DENND2B: variants seen among roughly 807,000 people sequenced by gnomAD.
DENND2B encodes the protein DENN domain containing 2B, also known as DENN domain-containing protein 2B.
Under a neutral mutation model 116.0 loss-of-function variants are expected in DENND2B, and 32 were observed. The observed-to-expected ratio is 0.28, with a 90% CI of 0.21 to 0.37. DENND2B has a LOEUF of 0.37. Among genes scored for constraint, DENND2B ranks in the 10% least tolerant of loss-of-function variants. The pLI, the probability that DENND2B is intolerant of heterozygous loss-of-function variation, is 1.00. For synonymous variants in DENND2B, 588 were observed against 583.9 expected, an observed-to-expected ratio of 1.01 and a Z score of -0.10; for missense variants, 1,276 against 1,477.7, an observed-to-expected ratio of 0.86 and a Z score of 2.24.
Position 8,717,589 on chromosome 11 carries a change from C to T in DENND2B, c.1629+152G>A, listed in dbSNP as rs374571273. The stretch of plus-strand genomic sequence containing the variant: ...GGAGACCTCCTTTATCAGACGAGAT[C>T]GGGCACGTTCAGGGTGGTATGGCCG... On this transcript the variant is annotated intron_variant, in intron 5 of 19. Coordinates refer to ENST00000313726, the MANE Select transcript of DENND2B (RefSeq NM_213618.2). 125 of 856,850 alleles carry T rather than the reference C, an allele frequency of 1.5e-4. 1 individual carries two copies. The highest frequency in any genetic ancestry group is 7.6e-4 in the East Asian group (25 of 32,746). The allele number at this position is 856,850 out of a possible 1,614,324, so 53.1% of individuals were successfully genotyped here.
At chr11:8,800,308 G>A (rs964729155) in intron 1 of DENND2B, among the ~76,000 whole-genome samples, 3 of 152,090 alleles carry the variant, frequency 2.0e-5, no homozygotes, top group Admixed American at 6.6e-5. Context: ...GTCACAAATT[G>A]CTAATAAACT....
At chr11:8,810,806 GTC>G (rs34550908), upstream of DENND2B, 4,025 of 139,300 alleles carry the variant, frequency 0.029, 50 homozygotes, top group Middle Eastern at 0.062. Flanking sequence ...CTTTCTCACT[GTC>G]TCTCTCTCTC....
At chr11:8,843,077 C>T (rs1293638827) in intron 3 of DENND2B, among the ~76,000 whole-genome samples, 3 of 151,792 alleles carry the variant, frequency 2.0e-5, no homozygotes, top group Non-Finnish European at 2.9e-5. Flanking sequence ...AGTGCAGTGG[C>T]GCGATCTCGG....
At chr11:8,762,123 T>C (rs1228812443) in intron 1 of DENND2B, among the ~76,000 whole-genome samples, 1 of 152,136 alleles carries the variant, frequency 6.6e-6, no homozygotes, top group Non-Finnish European at 1.5e-5. Context: ...ACCCCATCTA[T>C]TCAAAACTCT....
At chr11:8,723,175 TG>T (rs1592729321) in intron 4 of DENND2B, among the ~76,000 whole-genome samples, 2 of 152,138 alleles carry the variant, frequency 1.3e-5, no homozygotes, top group East Asian at 3.9e-4. Context: ...GCACCCAGTG[TG>T]GCTGCTGCCG....
intron 2 of DENND2B, among the ~76,000 whole-genome samples, chr11:8,736,881 G>A (rs536081854): frequency 6.7e-4 from 102 of 152,320 alleles, no homozygotes; most frequent in African/African-American, 2.4e-3. Context: ...GAGTGGATGT[G>A]AGCAGGACAG....
chr11:8,857,442 G>C (rs1395283113), intron 2 of DENND2B: 2 of 152,168 alleles, frequency 1.3e-5, no homozygotes, highest in East Asian at 1.9e-4. Flanking sequence ...CATCCCTGTA[G>C]AGAAAGACAG....
At chr11:8,786,542 G>A (rs559989761) in intron 1 of DENND2B, among the ~76,000 whole-genome samples, 1 of 152,308 alleles carries the variant, frequency 6.6e-6, no homozygotes, top group East Asian at 1.9e-4. Flanking sequence ...CAGGCATGGT[G>A]GCTCATGCCT....
chr11:8,808,792 G>A (rs1270379010), intron 1 of DENND2B: 1 of 152,140 alleles, frequency 6.6e-6, no homozygotes, highest in Non-Finnish European at 1.5e-5. Flanking sequence ...CCATCTCACA[G>A]GTAAGAATCT....
At chr11:8,695,614 A>G (rs1592273929) in intron 18 of DENND2B, 65 bp from the exon 19 acceptor site, 3 of 1,421,578 alleles carry the variant, frequency 2.1e-6, no homozygotes, top group East Asian at 2.3e-5. Flanking sequence ...AGAGGCCTAC[A>G]TGAAGGGAAC....
intron 18 of DENND2B, 26 bp downstream of exon 18, chr11:8,696,401 G>A (rs1211767217): frequency 3.1e-6 from 5 of 1,611,608 alleles, no homozygotes; most frequent in South Asian, 1.1e-5. Context: ...AAAAATTAGA[G>A]AAGAGAGCTG....
At chr11:8,788,840 T>A (rs535148372) in intron 1 of DENND2B, among the ~76,000 whole-genome samples, 1 of 152,218 alleles carries the variant, frequency 6.6e-6, no homozygotes, top group African/African-American at 2.4e-5. Context: ...TGACAGCTGC[T>A]CTCTGAACTT....
upstream of DENND2B, among the ~76,000 whole-genome samples, chr11:8,874,718 TGAGA>T (rs2063824065): frequency 6.6e-6 from 1 of 151,742 alleles, no homozygotes; most frequent in Non-Finnish European, 1.5e-5. Flanking sequence ...CTCACGAGTT[TGAGA>T]CCAGCCTGAG....
chr11:8,778,636 C>T (rs1393796078), intron 1 of DENND2B, among the ~76,000 whole-genome samples: 2 of 152,170 alleles, frequency 1.3e-5, no homozygotes, highest in Non-Finnish European at 2.9e-5. Flanking sequence ...CTCCAATCTA[C>T]CATGTGTGCC....
At chr11:8,904,855 G>A (rs1461805415) in intron 1 of DENND2B, among the ~76,000 whole-genome samples, 1 of 151,978 alleles carries the variant, frequency 6.6e-6, no homozygotes, top group Non-Finnish European at 1.5e-5. Flanking sequence ...TAAAAGAAGT[G>A]CAATATGTAC....
At chr11:8,758,691 A>G (rs535010370) in intron 1 of DENND2B, among the ~76,000 whole-genome samples, 2 of 152,290 alleles carry the variant, frequency 1.3e-5, no homozygotes, top group African/African-American at 4.8e-5. Flanking sequence ...GTGCACTCCT[A>G]TATGACAACA....
At chr11:8,866,331 G>C in intron 2 of DENND2B, among the ~76,000 whole-genome samples, 1 of 152,186 alleles carries the variant, frequency 6.6e-6, no homozygotes, top group East Asian at 1.9e-4. Flanking sequence ...TTATTAAAAT[G>C]ACAAGTACCA....
At chr11:8,751,247 T>C (rs1023312310) in intron 1 of DENND2B, among the ~76,000 whole-genome samples, 2 of 152,106 alleles carry the variant, frequency 1.3e-5, no homozygotes, top group Non-Finnish European at 2.9e-5. Flanking sequence ...CTTTTCTGTC[T>C]AGCTCAGGGT....
At chr11:8,776,141 TGCGCGCACGCGC>T (rs1226570488) in intron 1 of DENND2B, 4 of 176,306 alleles carry the variant, frequency 2.3e-5, no homozygotes, top group African/African-American at 1.6e-4. Context: ...GACACGCACG[TGCGCGCACGCGC>T]GCGCGCGCAC....
Sources: allele counts gnomAD v4.1 joint callset (sites outside exome capture counted in the v4.1 genomes callset), GRCh38; gene constraint gnomAD v4.1.1; transcripts MANE v1.5; gene names NCBI Gene and HGNC (gene_info 2026-07-23, HGNC 2026-07-21).